CKLF: variants seen among roughly 807,000 people sequenced by gnomAD.
CKLF encodes chemokine like factor.
CKLF carries 16 observed loss-of-function variants against 12.9 expected under a neutral mutation model. The observed-to-expected ratio is 1.24, with a 90% CI of 0.84 to 1.88. The LOEUF (loss-of-function observed/expected upper bound fraction) is 1.88. Among genes scored for constraint, CKLF ranks in the 40% most tolerant of loss-of-function variants. CKLF has a pLI of 0.00. For synonymous variants in CKLF, 61 were observed against 69.0 expected, an observed-to-expected ratio of 0.88 and a Z score of 0.57; for missense variants, 172 against 188.5, an observed-to-expected ratio of 0.91 and a Z score of 0.51.
chr16:66,565,570 C>T (rs16956724), intron 3 of CKLF: 8,342 of 315,286 alleles, frequency 0.026, 654 homozygotes, highest in African/African-American at 0.16. Context: ...CTCAGTAGGG[C>T]TTAAAAGAAT....
rs374279546 is a variant in CKLF at position 66,564,660 on chromosome 16, C to T, written c.334-1226C>T. 4.6e-5 allele frequency among the ~76,000 whole-genome samples: 7 copies of T among 152,116 alleles called. No individual in the cohort carries two copies. The East Asian group carries it at 1.2e-3, about 25-fold the overall frequency. On this transcript the variant is annotated intron_variant, in intron 3 of 3. Coordinates refer to ENST00000264001, the MANE Select transcript of CKLF (RefSeq NM_016951.4). ...TAATTTTTTGTATTTTTAGTAGAGA[C>T]GGAGTTTCACCGTGTTAACAAGGAT...
intron 1 of CKLF, among the ~76,000 whole-genome samples, chr16:66,553,168 AAAAC>A (rs2011255131): frequency 6.6e-6 from 1 of 151,876 alleles, no homozygotes; most frequent in Admixed American, 6.5e-5. Flanking sequence ...TTTAAAAACA[AAAAC>A]AAAAAAAAAC....
chr16:66,557,784 A>G (rs1384731078), intron 1 of CKLF, among the ~76,000 whole-genome samples: 2 of 152,234 alleles, frequency 1.3e-5, no homozygotes, highest in East Asian at 1.9e-4. Context: ...GAACGGAGGT[A>G]CTTGGTGGAA....
intron 1 of CKLF, among the ~76,000 whole-genome samples, chr16:66,553,172 CAAAA>C (rs557341545): frequency 2.0e-5 from 3 of 150,068 alleles, no homozygotes; most frequent in Non-Finnish European, 4.4e-5. Flanking sequence ...AAAACAAAAA[CAAAA>C]AAAAACCCTT....
intron 2 of CKLF, 77 bp from the exon 3 acceptor site, chr16:66,563,045 T>C: frequency 1.3e-6 from 2 of 1,557,758 alleles, no homozygotes; most frequent in Non-Finnish European, 1.8e-6. Flanking sequence ...TGTTGTTGTT[T>C]TTTTGTTTTT....
At chr16:66,565,055 A>C (rs1362819694) in intron 3 of CKLF, among the ~76,000 whole-genome samples, 1 of 152,200 alleles carries the variant, frequency 6.6e-6, no homozygotes, top group Non-Finnish European at 1.5e-5. Flanking sequence ...TTCCAGGTAG[A>C]GGAGCCAATA....
chr16:66,558,113 T>C, intron 1 of CKLF, 77 bp from the exon 2 acceptor site: 2 of 1,578,202 alleles, frequency 1.3e-6, no homozygotes, highest in Non-Finnish European at 1.7e-6. Context: ...CAGCCTATTA[T>C]TTTAGAAATT....
chr16:66,555,940 G>A (rs1232474682), intron 1 of CKLF, among the ~76,000 whole-genome samples: 5 of 152,108 alleles, frequency 3.3e-5, no homozygotes, highest in Non-Finnish European at 7.3e-5. Flanking sequence ...GTAGATTGTG[G>A]TACCACCAGT....
intron 1 of CKLF, among the ~76,000 whole-genome samples, chr16:66,556,882 G>A (rs1294024117): frequency 6.6e-6 from 1 of 152,172 alleles, no homozygotes; most frequent in Non-Finnish European, 1.5e-5. Context: ...AGTCTAGCCA[G>A]GGAAGACTCT....
chr16:66,561,154 T>G (rs1363936178), intron 2 of CKLF, among the ~76,000 whole-genome samples: 1 of 152,130 alleles, frequency 6.6e-6, no homozygotes, highest in Non-Finnish European at 1.5e-5. Flanking sequence ...CTCCATCTGC[T>G]AGCCACTGCC....
intron 3 of CKLF, chr16:66,565,679 T>A: frequency 1.7e-6 from 1 of 574,120 alleles, no homozygotes; most frequent in Non-Finnish European, 3.1e-6. Context: ...ATCTTTTCTC[T>A]TTCTATAGGC....
chr16:66,561,861 G>T (rs1161300970), intron 2 of CKLF, among the ~76,000 whole-genome samples: 1 of 152,122 alleles, frequency 6.6e-6, no homozygotes, highest in Non-Finnish European at 1.5e-5. Context: ...CAGCTAGACA[G>T]TTTACCTTTC....
Position 66,552,715 on chromosome 16 carries a change from G to C in CKLF, c.-1G>C, listed in dbSNP as rs1219941716. 7 of 1,614,044 alleles carry C rather than the reference G, an allele frequency of 4.3e-6. No individual in the cohort carries two copies. In the African/African-American group the frequency reaches 8.0e-5, roughly 18 times the overall value. On this transcript the variant is annotated 5_prime_UTR_variant, in exon 1 of 4. Coordinates refer to ENST00000264001, the MANE Select transcript of CKLF (RefSeq NM_016951.4). The stretch of plus-strand genomic sequence containing the variant: ...GTGCTGCTGCTGGGTCTGCAGACGC[G>C]ATGGATAACGTGCAGCCGAAAATAA...
chr16:66,563,028 T>A, intron 2 of CKLF, 94 bp from the exon 3 acceptor site: 1 of 1,459,224 alleles, frequency 6.9e-7, no homozygotes, highest in Non-Finnish European at 9.5e-7. Context: ...CTGACTTTGT[T>A]TTTTGTTGTT....
At chr16:66,566,231 G>T, downstream of CKLF, 1 of 1,484,470 alleles carries the variant, frequency 6.7e-7, no homozygotes, top group South Asian at 1.3e-5. This position sits in a 1 kb window ranked among gnomAD's most constrained non-coding sequence, Gnocchi z 4.9. Context: ...AGAATGTGCC[G>T]GGATCCGCCT....
intron 1 of CKLF, 95 bp from the exon 2 acceptor site, chr16:66,558,095 A>G: frequency 6.4e-7 from 1 of 1,553,790 alleles, no homozygotes; most frequent in Middle Eastern, 1.9e-4. Context: ...GGCATGACCC[A>G]CTGTGCCCAG....
At chr16:66,555,060 C>A (rs1160544002) in intron 1 of CKLF, among the ~76,000 whole-genome samples, 2 of 151,996 alleles carry the variant, frequency 1.3e-5, no homozygotes, top group African/African-American at 4.8e-5. Flanking sequence ...ATGGTGAAAC[C>A]CCATCTCTAC....
intron 2 of CKLF, among the ~76,000 whole-genome samples, chr16:66,559,798 A>G (rs1211865062): frequency 6.6e-6 from 1 of 152,198 alleles, no homozygotes; most frequent in Non-Finnish European, 1.5e-5. Flanking sequence ...TCTCTTAGAA[A>G]TGGGGTGTTA....
chr16:66,563,673 T>C (rs1000962458), intron 3 of CKLF, among the ~76,000 whole-genome samples: 1 of 152,210 alleles, frequency 6.6e-6, no homozygotes. Flanking sequence ...TAGAATATAA[T>C]AGATGATGTC....
Sources: gnomAD v4.1 joint callset for allele counts (sites outside exome capture counted in the v4.1 genomes callset) on GRCh38, gnomAD v4.1.1 for gene constraint, Gnocchi (gnomAD v3.1) non-coding constraint, MANE v1.5 for transcripts, NCBI Gene and HGNC (gene_info 2026-07-23, HGNC 2026-07-21) for gene names.